ADD2: variants seen among roughly 807,000 people sequenced by gnomAD.
ADD2 encodes beta-adducin.
Under a neutral mutation model 83.0 loss-of-function variants are expected in ADD2, and 23 were observed. The ratio of observed to expected loss-of-function variants is 0.28; its 90% CI spans 0.20 to 0.39. The LOEUF (loss-of-function observed/expected upper bound fraction) is 0.39. Ranked by LOEUF, ADD2 falls within the 10% of genes least tolerant of loss-of-function variation. The pLI is 1.00. For missense variants in ADD2, 758 were observed against 944.9 expected (o/e 0.80, Z 2.59); for synonymous variants, 375 against 375.4 (o/e 1.00, Z 0.01).
chr2:70,728,572 A>C (rs1293481706), intron 1 of ADD2, among the ~76,000 whole-genome samples: 1 of 152,228 alleles, frequency 6.6e-6, no homozygotes, highest in Non-Finnish European at 1.5e-5. Flanking sequence ...ACTCTCTGAA[A>C]AAGGTGCTGT....
intron 1 of ADD2, among the ~76,000 whole-genome samples, chr2:70,727,102 C>T (rs1324946711): frequency 1.3e-5 from 2 of 152,228 alleles, no homozygotes; most frequent in African/African-American, 2.4e-5. Flanking sequence ...CTTCTTCACG[C>T]TCCGTGGGAA....
chr2:70,753,893 C>A (rs1157188344), intron 1 of ADD2, among the ~76,000 whole-genome samples: 1 of 152,190 alleles, frequency 6.6e-6, no homozygotes, highest in East Asian at 1.9e-4. Flanking sequence ...CAAGAAAGTG[C>A]ATCTTCTCCA....
At chr2:70,714,387 C>T (rs1412157659) in intron 1 of ADD2, among the ~76,000 whole-genome samples, 3 of 152,148 alleles carry the variant, frequency 2.0e-5, no homozygotes, top group Non-Finnish European at 4.4e-5. Context: ...ACTCGTCCCA[C>T]CAATGAGGGA....
chr2:70,686,807 G>C (rs1670749498), intron 9 of ADD2, among the ~76,000 whole-genome samples: 1 of 152,160 alleles, frequency 6.6e-6, no homozygotes, highest in Non-Finnish European at 1.5e-5. Flanking sequence ...ACCTGCCCCT[G>C]TTCTGACCAC....
chr2:70,702,132 T>TG (rs1671614510), intron 4 of ADD2, among the ~76,000 whole-genome samples: 1 of 152,164 alleles, frequency 6.6e-6, no homozygotes, highest in South Asian at 2.1e-4. Flanking sequence ...TTAAGGTCAA[T>TG]GGGGGGACTT....
At chr2:70,673,600 T>C (rs1247342598) in intron 14 of ADD2, among the ~76,000 whole-genome samples, 2 of 152,240 alleles carry the variant, frequency 1.3e-5, no homozygotes, top group African/African-American at 4.8e-5. Context: ...TTTTTGGTTT[T>C]TGCTGTTGTT....
At chr2:70,717,460 T>G (rs1691365600) in intron 1 of ADD2, among the ~76,000 whole-genome samples, 1 of 152,112 alleles carries the variant, frequency 6.6e-6, no homozygotes, top group Non-Finnish European at 1.5e-5. Flanking sequence ...TGGGGGAGTC[T>G]CCAGACAGGA....
intron 1 of ADD2, among the ~76,000 whole-genome samples, chr2:70,720,319 A>G (rs1553377109): frequency 6.6e-6 from 1 of 152,104 alleles, no homozygotes; most frequent in Non-Finnish European, 1.5e-5. Flanking sequence ...CAGAGGGAGT[A>G]TGTTAAGGGT....
intron 1 of ADD2, among the ~76,000 whole-genome samples, chr2:70,733,244 G>T (rs998975648): frequency 6.6e-6 from 1 of 152,164 alleles, no homozygotes; most frequent in African/African-American, 2.4e-5. Flanking sequence ...TAAAATCACT[G>T]CTGGCTCGTC....
intron 1 of ADD2, among the ~76,000 whole-genome samples, chr2:70,742,669 A>G (rs1387961850): frequency 3.9e-5 from 6 of 152,180 alleles, no homozygotes; most frequent in Admixed American, 2.6e-4. Flanking sequence ...GCCGCAAAGA[A>G]AACAAAGTAC....
chr2:70,734,025 G>T (rs782084925), intron 1 of ADD2, among the ~76,000 whole-genome samples: 4 of 152,040 alleles, frequency 2.6e-5, no homozygotes, highest in Non-Finnish European at 4.4e-5. Flanking sequence ...AGTGCCTTCC[G>T]CCCACTTCTC....
chr2:70,721,038 G>A (rs781912767), intron 1 of ADD2, among the ~76,000 whole-genome samples: 5 of 152,188 alleles, frequency 3.3e-5, no homozygotes, highest in Admixed American at 6.5e-5. Context: ...AGATTCTGAG[G>A]CTGTTGTTAT....
intron 1 of ADD2, among the ~76,000 whole-genome samples, chr2:70,760,885 C>T (rs1259429720): frequency 1.3e-5 from 2 of 152,010 alleles, no homozygotes; most frequent in African/African-American, 2.4e-5. Flanking sequence ...ATAAAGTTGG[C>T]CACAACTTAT....
chr2:70,767,580 T>G, intron 1 of ADD2: 1 of 1,190,398 alleles, frequency 8.4e-7, no homozygotes, highest in Non-Finnish European at 1.0e-6. Context: ...CGCCCCTCCA[T>G]TCGGACCCAA....
intron 4 of ADD2, among the ~76,000 whole-genome samples, chr2:70,699,251 A>G (rs1157085274): frequency 1.3e-5 from 2 of 152,226 alleles, no homozygotes; most frequent in African/African-American, 4.8e-5. Context: ...TGTAAAAAAA[A>G]AGACCTGTGC....
intron 1 of ADD2, among the ~76,000 whole-genome samples, chr2:70,724,764 G>A (rs1428208589): frequency 1.3e-5 from 2 of 152,234 alleles, no homozygotes; most frequent in Non-Finnish European, 2.9e-5. Flanking sequence ...CAGCCACTCA[G>A]TGGTGAGGGA....
intron 1 of ADD2, among the ~76,000 whole-genome samples, chr2:70,751,845 T>TTTC (rs1303398677): frequency 6.6e-6 from 1 of 152,102 alleles, no homozygotes; most frequent in Non-Finnish European, 1.5e-5. Flanking sequence ...AAAGGAAACT[T>TTTC]AAGAAAAGGA....
intron 1 of ADD2, among the ~76,000 whole-genome samples, chr2:70,716,837 A>C (rs1672494106): frequency 6.6e-6 from 1 of 152,192 alleles, no homozygotes; most frequent in Admixed American, 6.5e-5. Context: ...GTCTTGGTAT[A>C]TAACTGAGTG....
Position 70,676,882 on chromosome 2 carries a change from G to A in ADD2, c.1507C>T (p.Arg503Ter). ...TTCACATCTTGTCGGTTTTGTTCTC[G>A]AATCTGTGTGGAAAGGGGAGAGGAA... ...QEVLEMRNKI[R>*]EQNRQDVKSA... The change falls in exon 13 of 16, where the codon CGA (arginine) becomes TGA (stop). Residue 503 changes from arginine (R) to a stop codon, truncating the protein, a stop_gained. Coordinates refer to ENST00000264436, the MANE Select transcript of ADD2 (RefSeq NM_001617.4). LOFTEE classifies it high-confidence loss of function. This position sits in a 1 kb window ranked among gnomAD's most constrained non-coding sequence, Gnocchi z 4.8. 2 of 1,613,054 alleles carry A rather than the reference G, an allele frequency of 1.2e-6. No homozygotes were observed. Among genetic ancestry groups the A allele is most frequent in the Non-Finnish European group, 1.7e-6 (2 of 1,179,220 alleles).
Sources: gnomAD v4.1 joint callset for allele counts (sites outside exome capture counted in the v4.1 genomes callset) on GRCh38, gnomAD v4.1.1 for gene constraint, Gnocchi (gnomAD v3.1) non-coding constraint, MANE v1.5 for transcripts, NCBI Gene and HGNC (gene_info 2026-07-23, HGNC 2026-07-21) for gene names.